Variants in SORCS3 observed in about 807,000 individuals in gnomAD.
The protein encoded by SORCS3 is VPS10 domain-containing receptor SorCS3.
Under a neutral mutation model 146.3 loss-of-function variants are expected in SORCS3, and 57 were observed. That is an observed-to-expected ratio of 0.39 (90% CI 0.31 to 0.49). SORCS3 has a LOEUF of 0.49. SORCS3 is among the 20% of genes least tolerant of loss of function. The pLI is 0.92. For missense variants in SORCS3, 1,341 were observed against 1,575.5 expected, an observed-to-expected ratio of 0.85 and a Z score of 2.52; for synonymous variants, 653 against 618.5, an observed-to-expected ratio of 1.06 and a Z score of -0.83.
chr10:104,866,474 G>T (rs1412312149), intron 2 of SORCS3, among the ~76,000 whole-genome samples: 1 of 152,012 alleles, frequency 6.6e-6, no homozygotes, highest in Non-Finnish European at 1.5e-5. Flanking sequence ...AAAAACCTAG[G>T]TACTTCCTTA....
At chr10:104,842,880 T>C in intron 2 of SORCS3, 21 bp downstream of exon 2, 1 of 1,601,870 alleles carries the variant, frequency 6.2e-7, no homozygotes, top group Non-Finnish European at 8.6e-7. Flanking sequence ...TAGAGATTCT[T>C]AAGGAGCCAC....
At chr10:105,231,423 T>C (rs2056764770) in intron 20 of SORCS3, among the ~76,000 whole-genome samples, 1 of 152,222 alleles carries the variant, frequency 6.6e-6, no homozygotes, top group African/African-American at 2.4e-5. Flanking sequence ...CTGGTTGTTA[T>C]TGATTCTCTT....
At chr10:104,710,531 GA>G (rs2016402733) in intron 1 of SORCS3, among the ~76,000 whole-genome samples, 2 of 152,202 alleles carry the variant, frequency 1.3e-5, no homozygotes, top group African/African-American at 4.8e-5. Context: ...AATACATACA[GA>G]ATACTGGGGT....
chr10:105,066,806 T>G (rs2133722703), intron 5 of SORCS3, among the ~76,000 whole-genome samples: 1 of 152,250 alleles, frequency 6.6e-6, no homozygotes, highest in Middle Eastern at 3.4e-3. Flanking sequence ...ACTACTCACC[T>G]TAGCCCCCAG....
At position 104,664,436 on chromosome 10, in the gene SORCS3, C is replaced by T. The variant is rs559330665; in HGVS notation, c.627+22482C>T. On this transcript the variant is annotated intron_variant, in intron 1 of 26. Coordinates refer to ENST00000369701, the MANE Select transcript of SORCS3 (RefSeq NM_014978.3). ...TAGAATGTTAGAGATGGACTTTGAG[C>T]TCAAATTGCCACCATTCTTCGTTTT... 5.0e-4 allele frequency among the ~76,000 whole-genome samples: 76 copies of T among 152,144 alleles called. 1 individual carries two copies. Among genetic ancestry groups the T allele is most frequent in the Non-Finnish European group, 9.6e-4 (65 of 68,032 alleles).
At chr10:105,258,911 T>C (rs1343936094) in intron 25 of SORCS3, among the ~76,000 whole-genome samples, 1 of 152,222 alleles carries the variant, frequency 6.6e-6, no homozygotes, top group East Asian at 1.9e-4. Context: ...CCTTTACTTT[T>C]CTGGCTCCTT....
chr10:104,843,498 TA>T, intron 2 of SORCS3, among the ~76,000 whole-genome samples: 1 of 152,336 alleles, frequency 6.6e-6, no homozygotes, highest in Admixed American at 6.5e-5. Flanking sequence ...GATTTTAAAA[TA>T]AAACACTTTT....
rs2055689111 is a variant in SORCS3 at position 105,089,804 on chromosome 10, A to G, written c.1058A>G (p.Asp353Gly). The G allele has an allele frequency of 1.2e-6, 2 of 1,614,088 alleles. No individual in the cohort carries two copies. The highest frequency in any genetic ancestry group is 2.7e-5 in the African/African-American group (2 of 75,016). ...WSVAGLDKEADLVHMEVRTTD... is the reference protein window; with the variant it reads ...WSVAGLDKEAGLVHMEVRTTD... ...GTGGCCGGATTGGATAAGGAGGCGG[A>G]CCTGGTGCACATGGAGGTGCGGACC... The change falls in exon 6 of 27, where the codon GAC becomes GGC. Residue 353 changes from aspartate to glycine, a missense_variant. Coordinates refer to ENST00000369701, the MANE Select transcript of SORCS3 (RefSeq NM_014978.3).
Position 105,247,334 on chromosome 10 carries a change from A to G in SORCS3, c.3105+3A>G, listed in dbSNP as rs777782729. The G allele has an allele frequency of 7.0e-6, 11 of 1,566,172 alleles. No individual in the cohort carries two copies. Among genetic ancestry groups the G allele is most frequent in the Non-Finnish European group, 7.9e-6 (9 of 1,138,588 alleles). ...TCATCAAGCGAGCTCTGGTTAAAGT[A>G]AGTTGGCTTTGTCTTTTTTTAAGTT... On this transcript the variant is annotated splice_donor_region_variant and intron_variant, in intron 22 of 26. Transcript: ENST00000369701.
At chr10:104,799,582 A>G (rs1339811109) in intron 1 of SORCS3, among the ~76,000 whole-genome samples, 1 of 152,158 alleles carries the variant, frequency 6.6e-6, no homozygotes, top group African/African-American at 2.4e-5. Flanking sequence ...ATCAGGAGAG[A>G]TACCTAATGT....
At chr10:104,820,697 T>G (rs2017862729) in intron 1 of SORCS3, among the ~76,000 whole-genome samples, 1 of 152,216 alleles carries the variant, frequency 6.6e-6, no homozygotes, top group Admixed American at 6.5e-5. Flanking sequence ...CAAAATTAAA[T>G]GTGAACTATT....
intron 10 of SORCS3, among the ~76,000 whole-genome samples, chr10:105,157,779 A>C (rs2056224106): frequency 6.6e-6 from 1 of 152,172 alleles, no homozygotes; most frequent in Admixed American, 6.5e-5. Context: ...CATGGAAGAC[A>C]TGATGTGTGA....
At chr10:105,213,222 A>G (rs542877280) in intron 17 of SORCS3, among the ~76,000 whole-genome samples, 1 of 152,320 alleles carries the variant, frequency 6.6e-6, no homozygotes, top group South Asian at 2.1e-4. Flanking sequence ...CAGTAATGAC[A>G]TACAACATTA....
At chr10:104,829,883 T>C (rs1052134843) in intron 1 of SORCS3, among the ~76,000 whole-genome samples, 1 of 152,160 alleles carries the variant, frequency 6.6e-6, no homozygotes, top group Non-Finnish European at 1.5e-5. Flanking sequence ...TAACTCGAGA[T>C]ATTTTTTGAT....
At chr10:104,783,028 T>C (rs1025767257) in intron 1 of SORCS3, among the ~76,000 whole-genome samples, 5 of 152,252 alleles carry the variant, frequency 3.3e-5, no homozygotes, top group Non-Finnish European at 7.3e-5. Flanking sequence ...TCTCATATTT[T>C]ATGATCTTTG....
chr10:104,824,077 G>A (rs1042747496), intron 1 of SORCS3, among the ~76,000 whole-genome samples: 5 of 152,168 alleles, frequency 3.3e-5, no homozygotes, highest in African/African-American at 1.2e-4. Context: ...CACAAGGAAT[G>A]TAGAACACAA....
chr10:104,975,595 A>G (rs990244210), intron 3 of SORCS3, among the ~76,000 whole-genome samples: 1 of 152,224 alleles, frequency 6.6e-6, no homozygotes, highest in Non-Finnish European at 1.5e-5. Flanking sequence ...AAGAGCCCGC[A>G]TCGCCAAGTC....
At chr10:104,868,356 T>C (rs2018482003) in intron 2 of SORCS3, among the ~76,000 whole-genome samples, 2 of 152,228 alleles carry the variant, frequency 1.3e-5, no homozygotes, top group South Asian at 4.1e-4. Context: ...ATGCATGATA[T>C]ATTGCTGTTT....
At chr10:104,686,421 G>C (rs1310111192) in intron 1 of SORCS3, among the ~76,000 whole-genome samples, 2 of 152,080 alleles carry the variant, frequency 1.3e-5, no homozygotes, top group African/African-American at 2.4e-5. Context: ...TCAGCTTCCT[G>C]ACTCACCCCT....
Sources: allele counts gnomAD v4.1 joint callset (sites outside exome capture counted in the v4.1 genomes callset), GRCh38; gene constraint gnomAD v4.1.1; transcripts MANE v1.5; gene names NCBI Gene and HGNC (gene_info 2026-07-23, HGNC 2026-07-21).